CRYBG3: variants seen among roughly 807,000 people sequenced by gnomAD.
The protein encoded by CRYBG3 is very large A-kinase anchor protein.
In CRYBG3, 127 loss-of-function variants were observed where a neutral mutation model predicts 244.2. The observed-to-expected ratio is 0.52, with a 90% CI of 0.45 to 0.60. CRYBG3 has a LOEUF of 0.60. CRYBG3 is among the 20% of genes least tolerant of loss of function. CRYBG3 has a pLI of 0.00. For synonymous variants in CRYBG3, 1,132 were observed against 1,195.8 expected, an observed-to-expected ratio of 0.95 and a Z score of 1.10; for missense variants, 3,325 against 3,442.5, an observed-to-expected ratio of 0.97 and a Z score of 0.85.
chr3:97,851,435 G>C (rs111652382), intron 2 of CRYBG3, among the ~76,000 whole-genome samples: 23 of 152,176 alleles, frequency 1.5e-4, no homozygotes, highest in Admixed American at 2.0e-4. Flanking sequence ...CCTACACCCT[G>C]TGGTGTCAAG....
At chr3:97,846,765 G>A (rs1247375014) in intron 2 of CRYBG3, among the ~76,000 whole-genome samples, 2 of 152,140 alleles carry the variant, frequency 1.3e-5, no homozygotes, top group Non-Finnish European at 2.9e-5. Flanking sequence ...GTTAGGTTCA[G>A]AGTCCCTTTT....
At chr3:97,884,830 A>C (rs949244176) in intron 7 of CRYBG3, among the ~76,000 whole-genome samples, 7 of 152,038 alleles carry the variant, frequency 4.6e-5, no homozygotes, top group African/African-American at 1.7e-4. Flanking sequence ...GTTTATTTTC[A>C]TTTTTTAGTG....
At position 97,875,061 on chromosome 3, in the gene CRYBG3, T is replaced by C. The variant is rs1237042912; in HGVS notation, c.3867T>C (p.Leu1289=). Residue 1289 remains leucine, a synonymous_variant, in exon 4 of 22, where the codon CTT becomes CTC. Coordinates refer to ENST00000389622, the MANE Select transcript of CRYBG3 (RefSeq NM_153605.4). ...VSPTVGEKNL[L]VDPNSMNVSC... is the part of the protein sequence containing the mutation. ...CAACAGTTGGTGAGAAGAATCTTCTTGTTGATCCTAATAGTATGAATGTAT... is the reference window on the plus strand; with the variant it reads ...CAACAGTTGGTGAGAAGAATCTTCTCGTTGATCCTAATAGTATGAATGTAT... 2.0e-6 allele frequency: 3 copies of C among 1,534,134 alleles called. No individual in the cohort carries two copies. Among genetic ancestry groups the C allele is most frequent in the African/African-American group, 1.4e-5 (1 of 72,990 alleles).
intron 2 of CRYBG3, among the ~76,000 whole-genome samples, chr3:97,856,558 G>A (rs1458394603): frequency 6.6e-6 from 1 of 152,158 alleles, no homozygotes; most frequent in Non-Finnish European, 1.5e-5. Flanking sequence ...GTATTAATTT[G>A]GAGAACTAAT....
At chr3:97,884,255 G>T (rs1248117648) in intron 7 of CRYBG3, among the ~76,000 whole-genome samples, 2 of 152,124 alleles carry the variant, frequency 1.3e-5, no homozygotes, top group Non-Finnish European at 2.9e-5. Context: ...ATAATTGGGG[G>T]TGAAGGTAGT....
At position 97,877,683 on chromosome 3, in the gene CRYBG3, G is replaced by A. The variant is rs559542940; in HGVS notation, c.6489G>A (p.Leu2163=). The stretch of plus-strand genomic sequence containing the variant: ...CAGCAGTATTGCATAAAGGAGATCT[G>A]AGAGCTGGAAGTGGGGAGCGTGTTA... The part of the protein sequence containing the change: ...EEAAVLHKGD[L]RAGSGERVTF... The change falls in exon 4 of 22, where the codon CTG becomes CTA. Residue 2163 remains leucine, a synonymous_variant. Coordinates refer to ENST00000389622, the MANE Select transcript of CRYBG3 (RefSeq NM_153605.4). The A allele has an allele frequency of 6.2e-7, 1 of 1,614,096 alleles. No individual in the cohort carries two copies. Among genetic ancestry groups the A allele is most frequent in the African/African-American group, 1.3e-5 (1 of 75,034 alleles).
intron 1 of CRYBG3, among the ~76,000 whole-genome samples, chr3:97,832,241 AAAAG>A (rs1042262576): frequency 1.3e-5 from 2 of 151,598 alleles, no homozygotes; most frequent in Non-Finnish European, 1.5e-5. Flanking sequence ...AAAAAAAAAA[AAAAG>A]AGCCCATATA....
intron 1 of CRYBG3, among the ~76,000 whole-genome samples, chr3:97,823,627 A>G (rs2038538811): frequency 6.6e-6 from 1 of 152,228 alleles, no homozygotes; most frequent in Admixed American, 6.5e-5. Context: ...TTTAAGTCTG[A>G]CAGATCTCAT....
At chr3:97,937,727 C>G (rs978042027) in intron 19 of CRYBG3, among the ~76,000 whole-genome samples, 4 of 152,038 alleles carry the variant, frequency 2.6e-5, no homozygotes, top group Non-Finnish European at 5.9e-5. Flanking sequence ...GCTCATTGCT[C>G]TACCCCTAGT....
In CRYBG3 at chr3:97,893,010, TA is replaced by T; in HGVS notation, c.7574+19del. 1.3e-5 allele frequency: 21 copies of T among 1,587,140 alleles called. No homozygotes were observed. The highest frequency in any genetic ancestry group is 1.7e-5 in the Non-Finnish European group (20 of 1,170,816). On this transcript the variant is annotated intron_variant, in intron 11 of 21. Coordinates refer to ENST00000389622, the MANE Select transcript of CRYBG3 (RefSeq NM_153605.4). ...TGGTGGAGTGTGAGTATCATATTTT[TA>T]ACATTTGCACAAGTAGTCTGTTTTT... is the stretch of plus-strand genomic sequence containing the variant.
intron 19 of CRYBG3, among the ~76,000 whole-genome samples, chr3:97,940,779 G>T (rs532246365): frequency 6.6e-6 from 1 of 151,964 alleles, no homozygotes; most frequent in South Asian, 2.1e-4. Flanking sequence ...GAAAATCCTT[G>T]TAGGTAATAA....
intron 3 of CRYBG3, among the ~76,000 whole-genome samples, chr3:97,867,596 A>C (rs1296775907): frequency 6.6e-6 from 1 of 152,230 alleles, no homozygotes; most frequent in African/African-American, 2.4e-5. Context: ...AAACCTTTTC[A>C]GATTTTCAAT....
chr3:97,897,490 A>G (rs1351493629), intron 12 of CRYBG3, among the ~76,000 whole-genome samples: 1 of 152,012 alleles, frequency 6.6e-6, no homozygotes, highest in Non-Finnish European at 1.5e-5. Flanking sequence ...ATTCTCAAGC[A>G]GAAGAGCTAC....
At chr3:97,881,641 G>C (rs950916121) in intron 7 of CRYBG3, among the ~76,000 whole-genome samples, 4 of 151,912 alleles carry the variant, frequency 2.6e-5, no homozygotes, top group Non-Finnish European at 5.9e-5. Flanking sequence ...ACTTGAACTC[G>C]GGACACGGAG....
In CRYBG3 at chr3:97,873,539, GAGTAGAGTTAGTGTCTTCAAACACTAA is replaced by G. The variant is rs372794644; in HGVS notation, c.2348_2374del (p.Val783_Lys791del). The stretch of plus-strand genomic sequence containing the variant: ...TCCATTTTATCTCAAGACCCTAATA[GAGTAGAGTTAGTGTCTTCAAACACTAA>G]AGCAAATATGAGCATAATAGAGAAG... On this transcript the variant is annotated inframe_deletion, in exon 4 of 22. Transcript: ENST00000389622. 232 of 1,535,944 alleles carry G rather than the reference GAGTAGAGTTAGTGTCTTCAAACACTAA, an allele frequency of 1.5e-4. No individual in the cohort carries two copies. In the African/African-American group the frequency reaches 2.7e-3, roughly 18 times the overall value.
In CRYBG3 at chr3:97,944,145, T is replaced by C. The variant is rs996490580; in HGVS notation, c.*831T>C. ...TTTTTGCCTCAAGAGAAATTTCAAA[T>C]ATCCAAATTAAAACACAGTAGCATT... On this transcript the variant is annotated 3_prime_UTR_variant, in exon 22 of 22. Transcript: ENST00000389622. The C allele has an allele frequency of 6.6e-6, 1 of 151,140 alleles. No homozygotes were observed. Among genetic ancestry groups the C allele is most frequent in the Admixed American group, 6.6e-5 (1 of 15,082 alleles). The allele number at this position is 151,140 out of a possible 1,614,324, so 9.4% of individuals were successfully genotyped here.
rs766043758 is a variant in CRYBG3 at position 97,881,066 on chromosome 3, G to T, written c.7005-6G>T. The T allele has an allele frequency of 2.5e-6, 4 of 1,576,852 alleles. No individual in the cohort carries two copies. Among genetic ancestry groups the T allele is most frequent in the Non-Finnish European group, 3.4e-6 (4 of 1,166,606 alleles). On this transcript the variant is annotated splice_region_variant and splice_polypyrimidine_tract_variant and intron_variant, in intron 6 of 21. Transcript: ENST00000389622. ...ATAACTCATCATTGCATTTCTCTTT[G>T]TTTAGCTGGATTTTATATGAGAAAC...
At chr3:97,933,187 A>G (rs988697684) in intron 17 of CRYBG3, 19 of 432,838 alleles carry the variant, frequency 4.4e-5, no homozygotes, top group African/African-American at 2.1e-4. Flanking sequence ...TGCAGAAATC[A>G]CCACCATTCT....
intron 17 of CRYBG3, among the ~76,000 whole-genome samples, chr3:97,918,506 C>T (rs755889690): frequency 2.0e-5 from 3 of 152,168 alleles, no homozygotes; most frequent in Non-Finnish European, 4.4e-5. Flanking sequence ...AAATCATGGA[C>T]AGCCTCCAGT....
Sources: allele counts gnomAD v4.1 joint callset (sites outside exome capture counted in the v4.1 genomes callset), GRCh38; gene constraint gnomAD v4.1.1; transcripts MANE v1.5; gene names NCBI Gene and HGNC (gene_info 2026-07-23, HGNC 2026-07-21).